SPECC1: variants seen among roughly 807,000 people sequenced by gnomAD.
SPECC1 encodes the protein cytospin-B.
A neutral mutation model predicts 104.1 loss-of-function variants in SPECC1; 62 were observed. The observed-to-expected ratio is 0.60, with a 90% confidence interval of 0.49 to 0.74. The LOEUF (loss-of-function observed/expected upper bound fraction) is 0.74. SPECC1 is among the 30% of genes least tolerant of loss of function. The pLI, the probability that SPECC1 is intolerant of heterozygous loss-of-function variation, is 0.00. For synonymous variants in SPECC1, 513 were observed against 501.6 expected (o/e 1.02, Z -0.30); for missense variants, 1,306 against 1,310.5 (o/e 1.00, Z 0.05).
In SPECC1 at chr17:20,300,716, C is replaced by T. The variant is rs548931503; in HGVS notation, c.3057+3639C>T. ...GCCAGCTGCCCAGGCCTCCCGCAGCCGTGGCAGCATGCAGTGGGGGCAGGC... is the reference window on the plus strand; with the variant it reads ...GCCAGCTGCCCAGGCCTCCCGCAGCTGTGGCAGCATGCAGTGGGGGCAGGC... On this transcript the variant is annotated intron_variant, in intron 13 of 14. Transcript: ENST00000395527. 7.9e-5 allele frequency among the ~76,000 whole-genome samples: 12 copies of T among 152,362 alleles called. No individual in the cohort carries two copies. In the East Asian group the frequency reaches 9.6e-4, roughly 12 times the overall value.
At chr17:20,086,242 G>A (rs928965568) in intron 1 of SPECC1, among the ~76,000 whole-genome samples, 1 of 116,204 alleles carries the variant, frequency 8.6e-6, no homozygotes, top group African/African-American at 3.0e-5. Flanking sequence ...TATGGTGGAG[G>A]CCTCAGAATT....
intron 3 of SPECC1, among the ~76,000 whole-genome samples, chr17:20,190,550 T>TAGGA (rs2035598202): frequency 6.6e-6 from 1 of 152,228 alleles, no homozygotes; most frequent in Non-Finnish European, 1.5e-5. Context: ...CAAGTTTTCC[T>TAGGA]ATAGTGTACT....
chr17:20,290,588 C>T (rs1316036678), intron 12 of SPECC1, among the ~76,000 whole-genome samples: 3 of 152,138 alleles, frequency 2.0e-5, no homozygotes, highest in Admixed American at 2.0e-4. Flanking sequence ...GATCTCTGCT[C>T]ACTGAAACCT....
intron 3 of SPECC1, among the ~76,000 whole-genome samples, chr17:20,185,478 G>T (rs763095393): frequency 6.6e-6 from 1 of 152,230 alleles, no homozygotes; most frequent in Non-Finnish European, 1.5e-5. Flanking sequence ...ACAGTCCGTG[G>T]AGCTGTCATC....
chr17:20,228,140 C>A (rs2703772), intron 5 of SPECC1, among the ~76,000 whole-genome samples: 107,900 of 152,132 alleles, frequency 0.71, 40,067 homozygotes, highest in East Asian at 0.99. Context: ...GACAGAAGAA[C>A]AGGCTGTTGA....
intron 3 of SPECC1, among the ~76,000 whole-genome samples, chr17:20,177,699 G>A (rs889067301): frequency 2.0e-5 from 3 of 151,962 alleles, no homozygotes; most frequent in African/African-American, 7.2e-5. Context: ...CAATATTTTT[G>A]TATTTTATTT....
chr17:20,144,629 T>C (rs1354398339), intron 3 of SPECC1, among the ~76,000 whole-genome samples: 1 of 152,206 alleles, frequency 6.6e-6, no homozygotes, highest in Admixed American at 6.5e-5. Context: ...TGAAGGCCAA[T>C]GATGACTTTG....
intron 4 of SPECC1, among the ~76,000 whole-genome samples, chr17:20,221,195 C>T (rs1293052011): frequency 6.6e-6 from 1 of 152,136 alleles, no homozygotes; most frequent in African/African-American, 2.4e-5. Flanking sequence ...GGTTTGGAAA[C>T]ATTCCCTTCT....
chr17:20,051,070 T>C (rs78293090), intron 1 of SPECC1, among the ~76,000 whole-genome samples: 1,375 of 39,706 alleles, frequency 0.035, 14 homozygotes, highest in East Asian at 0.081. Flanking sequence ...TTCTTTCTTT[T>C]TCTTTCTTTC....
intron 3 of SPECC1, among the ~76,000 whole-genome samples, chr17:20,117,831 C>T (rs1369246873): frequency 1.3e-5 from 2 of 150,972 alleles, no homozygotes; most frequent in African/African-American, 2.4e-5. Flanking sequence ...AGGCTGGGTG[C>T]GGTGGCTCAA....
chr17:20,282,378 T>C (rs530303686), intron 12 of SPECC1, among the ~76,000 whole-genome samples: 40 of 152,324 alleles, frequency 2.6e-4, no homozygotes, highest in African/African-American at 8.4e-4. Context: ...CCGTGGCCGC[T>C]GTCTCCATTT....
chr17:20,218,826 G>T (rs943523307), intron 4 of SPECC1, among the ~76,000 whole-genome samples: 2 of 151,974 alleles, frequency 1.3e-5, no homozygotes, highest in Non-Finnish European at 2.9e-5. Context: ...CCAGCCTCTG[G>T]TAATCATTCT....
intron 3 of SPECC1, among the ~76,000 whole-genome samples, chr17:20,127,551 T>A (rs2049380698): frequency 1.3e-5 from 2 of 149,350 alleles, no homozygotes; most frequent in Admixed American, 6.8e-5. Flanking sequence ...CCAGCAGTCC[T>A]CTTGCCTCAG....
At chr17:20,265,819 A>G (rs766909259) in intron 12 of SPECC1, among the ~76,000 whole-genome samples, 14 of 152,368 alleles carry the variant, frequency 9.2e-5, no homozygotes, top group Non-Finnish European at 1.8e-4. Flanking sequence ...ATGGTCAGCC[A>G]GTCATCCCAG....
At chr17:20,230,041 C>T (rs2151471053) in intron 5 of SPECC1, among the ~76,000 whole-genome samples, 1 of 152,168 alleles carries the variant, frequency 6.6e-6, no homozygotes, top group Non-Finnish European at 1.5e-5. Context: ...AAAATACTTG[C>T]TAAGTGTTAT....
At chr17:20,083,680 C>T (rs961231495) in intron 1 of SPECC1, among the ~76,000 whole-genome samples, 3 of 152,126 alleles carry the variant, frequency 2.0e-5, no homozygotes, top group South Asian at 4.1e-4. Context: ...TTTGCTGTTA[C>T]GAAATCAAGC....
At position 20,112,432 on chromosome 17, in the gene SPECC1, A is replaced by G. The variant is rs949255404; in HGVS notation, c.283+1870A>G. The stretch of plus-strand genomic sequence containing the variant: ...ATCATTCACCAATATCCTGAAAGGA[A>G]TTTGTCTGATTTTTGCTGGCAACTT... On this transcript the variant is annotated intron_variant, in intron 3 of 14. Coordinates refer to ENST00000395527, the MANE Select transcript of SPECC1 (RefSeq NM_001243439.2). The G allele has an allele frequency of 7.8e-6, 6 of 764,434 alleles. No homozygotes were observed. In the African/African-American group the frequency reaches 8.5e-5, roughly 11 times the overall value. The allele number at this position is 764,434 out of a possible 1,614,324, so 47.4% of individuals were successfully genotyped here.
intron 1 of SPECC1, among the ~76,000 whole-genome samples, chr17:20,054,351 T>C (rs1423805994): frequency 6.6e-6 from 1 of 152,234 alleles, no homozygotes; most frequent in Admixed American, 6.5e-5. Flanking sequence ...CCATCAAAAA[T>C]AGCCGGTGGG....
intron 3 of SPECC1, among the ~76,000 whole-genome samples, chr17:20,162,202 G>A (rs2033223259): frequency 1.3e-5 from 2 of 151,996 alleles, no homozygotes; most frequent in Admixed American, 6.6e-5. Flanking sequence ...CTGGAGTGCA[G>A]TGGCACGATC....
Sources: allele counts gnomAD v4.1 joint callset (sites outside exome capture counted in the v4.1 genomes callset), GRCh38; gene constraint gnomAD v4.1.1; transcripts MANE v1.5; gene names NCBI Gene and HGNC (gene_info 2026-07-23, HGNC 2026-07-21).